MYBPC1: variants seen among roughly 807,000 people sequenced by gnomAD.
MYBPC1 encodes myosin binding protein C1.
MYBPC1 carries 52 observed loss-of-function variants against 147.1 expected under a neutral mutation model. The observed-to-expected ratio is 0.35, with a 90% confidence interval of 0.28 to 0.45. MYBPC1 has a LOEUF of 0.45. Ranked by LOEUF, MYBPC1 falls within the 20% of genes least tolerant of loss-of-function variation. The pLI is 1.00. For missense variants in MYBPC1, 1,228 were observed against 1,440.3 expected (o/e 0.85, Z 2.39); for synonymous variants, 477 against 475.9 (o/e 1.00, Z -0.03).
At chr12:101,607,337 G>A (rs531681694) in intron 1 of MYBPC1, among the ~76,000 whole-genome samples, 1 of 152,094 alleles carries the variant, frequency 6.6e-6, no homozygotes. Context: ...AAGATAATTT[G>A]CTATACCACC....
At chr12:101,634,482 G>C (rs1890602051) in intron 8 of MYBPC1, 72 bp from the exon 9 acceptor site, 8 of 1,224,886 alleles carry the variant, frequency 6.5e-6, no homozygotes, top group Non-Finnish European at 9.7e-6. Context: ...AATCCCCACA[G>C]CCTATAAAGG....
intron 10 of MYBPC1, among the ~76,000 whole-genome samples, chr12:101,639,378 T>C (rs950015866): frequency 2.0e-5 from 3 of 152,218 alleles, no homozygotes; most frequent in Non-Finnish European, 4.4e-5. Context: ...CAGGGTCATG[T>C]GCAGCCACCA....
At chr12:101,646,690 A>G (rs1248325817) in intron 12 of MYBPC1, 73 bp from the exon 13 acceptor site, 3 of 1,559,156 alleles carry the variant, frequency 1.9e-6, no homozygotes, top group South Asian at 1.1e-5. Flanking sequence ...TTATAAGCCA[A>G]ATTTGCTGGC....
chr12:101,659,898 C>G, intron 19 of MYBPC1, 67 bp downstream of exon 19: 3 of 1,562,354 alleles, frequency 1.9e-6, no homozygotes, highest in Non-Finnish European at 2.6e-6. Context: ...GTAGACTTTC[C>G]TTCTTTGTCC....
intron 1 of MYBPC1, among the ~76,000 whole-genome samples, chr12:101,607,448 T>G (rs1882652405): frequency 6.6e-6 from 1 of 152,192 alleles, no homozygotes; most frequent in South Asian, 2.1e-4. Flanking sequence ...AAGCTAGAAT[T>G]TTACTTTGAG....
At chr12:101,634,724 A>G (rs1488981882) in intron 9 of MYBPC1, 119 bp downstream of exon 9, 9 of 815,176 alleles carry the variant, frequency 1.1e-5, no homozygotes, top group Non-Finnish European at 1.7e-5. Context: ...TTTCACCGCA[A>G]AAACACCATA....
chr12:101,682,753 T>A, intron 30 of MYBPC1, 91 bp downstream of exon 30: 1 of 1,262,412 alleles, frequency 7.9e-7, no homozygotes, highest in Non-Finnish European at 1.1e-6. Context: ...CTTGACTTTC[T>A]CATTTGCTTT....
chr12:101,682,492 A>T, intron 29 of MYBPC1, 112 bp from the exon 30 acceptor site: 1 of 978,940 alleles, frequency 1.0e-6, no homozygotes, highest in Non-Finnish European at 1.6e-6. Context: ...ATTGTTTATC[A>T]TCAGACTGTT....
intron 22 of MYBPC1, chr12:101,666,885 T>C (rs2136565678): frequency 5.9e-6 from 3 of 511,406 alleles, no homozygotes; most frequent in East Asian, 5.1e-5. Context: ...AGAATACTCA[T>C]CACATACATA....
the MYBPC1 span, among the ~76,000 whole-genome samples, chr12:101,694,026 C>T: frequency 6.6e-6 from 1 of 152,166 alleles, no homozygotes; most frequent in Non-Finnish European, 1.5e-5. Context: ...AGGCGGCAGA[C>T]TAATAAAATG....
chr12:101,631,492 C>G (rs897972414), intron 6 of MYBPC1, 79 bp from the exon 7 acceptor site: 1 of 1,461,616 alleles, frequency 6.8e-7, no homozygotes, highest in Non-Finnish European at 9.5e-7. Context: ...AGTGCAGTCC[C>G]ATGTCAACTC....
At chr12:101,665,497 A>AT (rs1184779548) in intron 22 of MYBPC1, among the ~76,000 whole-genome samples, 2 of 151,742 alleles carry the variant, frequency 1.3e-5, no homozygotes, top group Non-Finnish European at 2.9e-5. Flanking sequence ...TTTTGTTATT[A>AT]TTTTTTTAAT....
chr12:101,670,443 G>T, intron 24 of MYBPC1, 34 bp downstream of exon 24: 1 of 1,559,052 alleles, frequency 6.4e-7, no homozygotes, highest in Non-Finnish European at 8.9e-7. Flanking sequence ...TTTCTCTTTA[G>T]AGGGCTGGAT....
intron 9 of MYBPC1, 75 bp from the exon 10 acceptor site, chr12:101,636,597 G>A: frequency 8.1e-7 from 1 of 1,231,360 alleles, no homozygotes; most frequent in Non-Finnish European, 1.2e-6. Context: ...TACGTTACAT[G>A]TAGAGTGTTT....
In MYBPC1 at chr12:101,651,237, C is replaced by A. The variant is rs1894377263; in HGVS notation, c.1370C>A (p.Pro457His). The stretch of plus-strand genomic sequence containing the variant: ...TGGTCTATCATTTCTACAGTGAAAC[C>A]TCTGAAGATTTTGACACCTCTGACT... ...SSAKLSVDLK[P>H]LKILTPLTDQ... The change falls in exon 16 of 32, where the codon CCT (proline) becomes CAT (histidine). Residue 457 changes from proline (P) to histidine (H), a missense_variant. Pro to His is a moderately conservative substitution (Grantham distance 77). This residue lies in a region of MYBPC1 where 1,077 missense variants were observed against 1,314.2 expected (regional missense o/e 0.82). Transcript: ENST00000361466. 1 of 1,613,932 alleles carries A rather than the reference C, an allele frequency of 6.2e-7. No homozygotes were observed. Among genetic ancestry groups the A allele is most frequent in the African/African-American group, 1.3e-5 (1 of 74,892 alleles).
At chr12:101,645,832 G>C (rs572104116) in intron 12 of MYBPC1, among the ~76,000 whole-genome samples, 1 of 151,992 alleles carries the variant, frequency 6.6e-6, no homozygotes, top group East Asian at 1.9e-4. Flanking sequence ...CTAGTTTTTC[G>C]TTTCTAAATA....
At chr12:101,695,060 C>G in the MYBPC1 span, among the ~76,000 whole-genome samples, 2 of 152,194 alleles carry the variant, frequency 1.3e-5, no homozygotes, top group Non-Finnish European at 2.9e-5. Flanking sequence ...ACATCTTCAA[C>G]TTCACCAGAT....
chr12:101,652,876 C>T, intron 17 of MYBPC1, 92 bp downstream of exon 17: 2 of 1,232,146 alleles, frequency 1.6e-6, no homozygotes, highest in South Asian at 1.2e-5. Context: ...AACTAAGTGA[C>T]ATTTAAGGAA....
At chr12:101,686,981 A>C (rs561591390), downstream of MYBPC1, among the ~76,000 whole-genome samples, 2 of 152,272 alleles carry the variant, frequency 1.3e-5, no homozygotes, top group South Asian at 4.1e-4. Flanking sequence ...CTATGCTCCC[A>C]AAAACTCCAG....
Sources: allele counts gnomAD v4.1 joint callset (sites outside exome capture counted in the v4.1 genomes callset), GRCh38; gene constraint gnomAD v4.1.1; regional missense constraint gnomAD v4.1.1; transcripts MANE v1.5; gene names NCBI Gene and HGNC (gene_info 2026-07-23, HGNC 2026-07-21).